Variants in OR4K13 observed in about 807,000 individuals in gnomAD.
OR4K13 encodes the protein olfactory receptor family 4 subfamily K member 13, also known as olfactory receptor 4K13.
For missense variants in OR4K13, 403 were observed against 366.0 expected (o/e 1.10, Z -0.82); for synonymous variants, 160 against 134.8 (o/e 1.19, Z -1.30).
Position 20,034,556 on chromosome 14 carries a change from C to T in OR4K13, c.203G>A (p.Cys68Tyr), listed in dbSNP as rs775918342. The T allele has an allele frequency of 1.2e-6, 2 of 1,613,686 alleles. No individual in the cohort carries two copies. Among genetic ancestry groups the T allele is most frequent in the Non-Finnish European group, 8.5e-7 (1 of 1,179,944 alleles). The change falls in exon 2 of 2, where the codon TGC becomes TAC. Residue 68 changes from cysteine (C) to tyrosine (Y), a missense_variant. By Grantham distance (194) the Cys-to-Tyr change is radical. Coordinates refer to ENST00000641904, the MANE Select transcript of OR4K13 (RefSeq NM_001004714.2). ...AAAAGAAGCCAGGATCATATCAATG[C>T]AGGAGAGGTTGCTAAGCAGAAAATA... ...PMYFLLSNLS[C>Y]IDMILASFAT...
In OR4K13 at chr14:20,033,736, G is replaced by A. The variant is rs1056431699; in HGVS notation, c.*108C>T. The A allele has an allele frequency of 1.8e-5, 11 of 626,770 alleles. No homozygotes were observed. The highest frequency in any genetic ancestry group is 6.8e-5 in the South Asian group (3 of 44,088). The allele number at this position is 626,770 out of a possible 1,614,324, so 38.8% of individuals were successfully genotyped here. A position where few individuals can be genotyped will look rare whatever the true frequency, so the allele number is the denominator to read the frequency against. ...GTCATTTACTTTAATGGCAAAAACCGCAATGACTTTTGCACGAACCTGATA... is the reference window on the plus strand; with the variant it reads ...GTCATTTACTTTAATGGCAAAAACCACAATGACTTTTGCACGAACCTGATA... On this transcript the variant is annotated 3_prime_UTR_variant, in exon 2 of 2. Coordinates refer to ENST00000641904, the MANE Select transcript of OR4K13 (RefSeq NM_001004714.2).
In OR4K13 at chr14:20,032,233, G is replaced by A. The variant is rs1325195218; in HGVS notation, c.*1611C>T. Reference sequence around the variant, plus strand: ...TAGATAAGAAACACTGTGTATGAATGTACCTGGTGGGAAAGGGAGACAAAG... The same window carrying A: ...TAGATAAGAAACACTGTGTATGAATATACCTGGTGGGAAAGGGAGACAAAG... On this transcript the variant is annotated 3_prime_UTR_variant, in exon 2 of 2. Transcript: ENST00000641904. 1 of 152,148 alleles carries A rather than the reference G, an allele frequency of 6.6e-6. No homozygotes were observed. The highest frequency in any genetic ancestry group is 1.5e-5 in the Non-Finnish European group (1 of 68,022). The allele number at this position is 152,148 out of a possible 1,614,324, so 9.4% of individuals were successfully genotyped here.
chr14:20,034,823 T>C lies in OR4K13; in HGVS notation c.-65A>G. The C allele has an allele frequency of 7.6e-7, 1 of 1,317,156 alleles. No individual in the cohort carries two copies. The highest frequency in any genetic ancestry group is 1.4e-5 in the South Asian group (1 of 70,828). The allele number at this position is 1,317,156 out of a possible 1,614,324, so 81.6% of individuals were successfully genotyped here. A position where few individuals can be genotyped will look rare whatever the true frequency, so the allele number is the denominator to read the frequency against. ...ATAAGGGGTAGGGAAATGATGCATATTGGAAAGAAATGTTCATGTTGATGT... is the reference window on the plus strand; with the variant it reads ...ATAAGGGGTAGGGAAATGATGCATACTGGAAAGAAATGTTCATGTTGATGT... On this transcript the variant is annotated 5_prime_UTR_variant, in exon 2 of 2. Transcript: ENST00000641904.
rs1354128424 is a variant in OR4K13, at chr14:20,035,990, G to A, written c.-276C>T. Reference sequence around the variant, plus strand: ...GGCGTCGTACGTGAATCCCAGGAATGGCCTTTTATCTCCTTTTCCTGTATC... The same window carrying A: ...GGCGTCGTACGTGAATCCCAGGAATAGCCTTTTATCTCCTTTTCCTGTATC... On this transcript the variant is annotated 5_prime_UTR_variant, in exon 1 of 2. Transcript: ENST00000641904. 7 of 152,008 alleles carry A rather than the reference G, an allele frequency of 4.6e-5. No individual in the cohort carries two copies. The highest frequency in any genetic ancestry group is 4.6e-4 in the Admixed American group (7 of 15,248). The allele number at this position is 152,008 out of a possible 1,614,324, so 9.4% of individuals were successfully genotyped here. A position where few individuals can be genotyped will look rare whatever the true frequency, so the allele number is the denominator to read the frequency against.
rs1173370330 is a variant in OR4K13, at chr14:20,033,085, T to A, written c.*759A>T. On this transcript the variant is annotated 3_prime_UTR_variant, in exon 2 of 2. Coordinates refer to ENST00000641904, the MANE Select transcript of OR4K13 (RefSeq NM_001004714.2). ...CTGCACTCTCAAAGCACCCTGTCCATCATGTAACAGTGCTGTTCGTGCCAT... is the reference window on the plus strand; with the variant it reads ...CTGCACTCTCAAAGCACCCTGTCCAACATGTAACAGTGCTGTTCGTGCCAT... 6.6e-6 allele frequency: 1 copy of A among 152,230 alleles called. No individual in the cohort carries two copies. Among genetic ancestry groups the A allele is most frequent in the East Asian group, 1.9e-4 (1 of 5,192 alleles). The allele number at this position is 152,230 out of a possible 1,614,324, so 9.4% of individuals were successfully genotyped here. A position where few individuals can be genotyped will look rare whatever the true frequency, so the allele number is the denominator to read the frequency against.
In OR4K13 at chr14:20,034,122, G is replaced by T. The variant is rs758820436; in HGVS notation, c.637C>A (p.Leu213Ile). Reference protein sequence around the residue: ...SGLLSLVCFLLLLVSYGVIIF... With the variant: ...SGLLSLVCFLILLVSYGVIIF... ...ATGACTCCATAGGAGACAAGCAAGA[G>T]GAGGAAGCAGACCAGTGACAGGAGC... Residue 213 changes from leucine (L) to isoleucine (I), a missense_variant, in exon 2 of 2, where the codon CTC becomes ATC. Leu to Ile is a conservative substitution (Grantham distance 5, BLOSUM62 2). Coordinates refer to ENST00000641904, the MANE Select transcript of OR4K13 (RefSeq NM_001004714.2). 10 of 1,614,060 alleles carry T rather than the reference G, an allele frequency of 6.2e-6. No homozygotes were observed. The highest frequency in any genetic ancestry group is 8.5e-6 in the Non-Finnish European group (10 of 1,180,010).
Position 20,031,112 on chromosome 14 carries a change from A to G in OR4K13, c.*2732T>C, listed in dbSNP as rs542172885. 3 of 152,276 alleles carry G rather than the reference A, an allele frequency of 2.0e-5. No individual in the cohort carries two copies. Among genetic ancestry groups the G allele is most frequent in the Non-Finnish European group, 4.4e-5 (3 of 68,068 alleles). 9.4% of individuals were successfully genotyped at this position (152,276 alleles called of 1,614,324 possible). A position where few individuals can be genotyped will look rare whatever the true frequency, so the allele number is the denominator to read the frequency against. On this transcript the variant is annotated 3_prime_UTR_variant, in exon 2 of 2. Transcript: ENST00000641904. The stretch of plus-strand genomic sequence containing the variant: ...GTTTGAGGTGTTAACAAATTTGCCC[A>G]TGGAAAACAGGTGCTACCCCTTAAC...
chr14:20,033,696 C>T lies in OR4K13; in HGVS notation c.*148G>A. 1.8e-6 allele frequency: 1 copy of T among 545,910 alleles called. No homozygotes were observed. The allele number at this position is 545,910 out of a possible 1,614,324, so 33.8% of individuals were successfully genotyped here. On this transcript the variant is annotated 3_prime_UTR_variant, in exon 2 of 2. Transcript: ENST00000641904. ...GTACACAAGTTATAGTGGTTTTTGC[C>T]ATTACTTTAATTTTGTCATTTACTT...
chr14:20,034,296 G>A lies in OR4K13; in HGVS notation c.463C>T (p.His155Tyr). Residue 155 changes from histidine (H) to tyrosine (Y), a missense_variant, in exon 2 of 2, where the codon CAC (histidine) becomes TAC (tyrosine). His to Tyr is a moderately conservative substitution (Grantham distance 83). Transcript: ENST00000641904. ...ATGAAAGCCATTTGACTAGATGAGT[G>A]CACAAATCCAACTGCATAGGAGGAT... ...LLSSYAVGFVHSSSQMAFMLT... is the reference protein window; with the variant it reads ...LLSSYAVGFVYSSSQMAFMLT... 1.2e-6 allele frequency: 2 copies of A among 1,614,132 alleles called. No homozygotes were observed. Among genetic ancestry groups the A allele is most frequent in the African/African-American group, 1.3e-5 (1 of 75,044 alleles).
In OR4K13 at chr14:20,034,672, CAAG is replaced by C; in HGVS notation, c.84_86del (p.Phe28del). 1.2e-6 allele frequency: 2 copies of C among 1,613,606 alleles called. No individual in the cohort carries two copies. Among genetic ancestry groups the C allele is most frequent in the Non-Finnish European group, 1.7e-6 (2 of 1,179,876 alleles). On this transcript the variant is annotated inframe_deletion, in exon 2 of 2. Transcript: ENST00000641904. ...TCCCCACGAAGACCACAGAGAATCC[CAAG>C]AAGAATAAAATCTGAAGATTTTGAG...
In OR4K13 at chr14:20,034,343, C is replaced by G. The variant is rs373021760; in HGVS notation, c.416G>C (p.Arg139Pro). ...GGATAACAGTAGCCCAGTGAGCACC[C>G]GTGGGCTCATGATGGTCATGTAATG... ...PLHYMTIMSPRVLTGLLLSSY... is the reference protein window; with the variant it reads ...PLHYMTIMSPPVLTGLLLSSY... The change falls in exon 2 of 2, where the codon CGG becomes CCG. Residue 139 changes from arginine to proline, a missense_variant. Physicochemically the swap from Arg to Pro is moderately radical, Grantham distance 103 (BLOSUM62 -2). Coordinates refer to ENST00000641904, the MANE Select transcript of OR4K13 (RefSeq NM_001004714.2). 1 of 1,613,982 alleles carries G rather than the reference C, an allele frequency of 6.2e-7. No individual in the cohort carries two copies. The highest frequency in any genetic ancestry group is 8.5e-7 in the Non-Finnish European group (1 of 1,179,964).
Position 20,031,037 on chromosome 14 carries a change from A to T in OR4K13, c.*2807T>A, listed in dbSNP as rs536425615. On this transcript the variant is annotated 3_prime_UTR_variant, in exon 2 of 2. Transcript: ENST00000641904. ...CTCCGTCTCAAATAAATAAATAAAT[A>T]AAATAAATTACACATTCCTCCAAGA... The T allele has an allele frequency of 3.3e-5, 5 of 152,324 alleles. No homozygotes were observed. Among genetic ancestry groups the T allele is most frequent in the African/African-American group, 1.2e-4 (5 of 41,552 alleles). 9.4% of individuals were successfully genotyped at this position (152,324 alleles called of 1,614,324 possible).
chr14:20,034,002 G>T lies in OR4K13; in HGVS notation c.757C>A (p.Pro253Thr). Residue 253 changes from proline (P) to threonine (T), a missense_variant, in exon 2 of 2, where the codon CCG becomes ACG. Coordinates refer to ENST00000641904, the MANE Select transcript of OR4K13 (RefSeq NM_001004714.2). Reference protein sequence around the residue: ...HITVVTLFFAPCVFIYVWPFS... With the variant: ...HITVVTLFFATCVFIYVWPFS... ...GGCCAGACGTAGATAAAGACACACG[G>T]AGCAAAGAACAGAGTCACAACTGTG... 6.2e-7 allele frequency: 1 copy of T among 1,614,082 alleles called. No homozygotes were observed. The highest frequency in any genetic ancestry group is 1.1e-5 in the South Asian group (1 of 91,076).
Position 20,034,555 on chromosome 14 carries a change from G to T in OR4K13, c.204C>A (p.Cys68Ter), listed in dbSNP as rs368560253. Residue 68 changes from cysteine (C) to a stop codon, truncating the protein, a stop_gained, in exon 2 of 2, where the codon TGC (cysteine) becomes TGA (stop). Coordinates refer to ENST00000641904, the MANE Select transcript of OR4K13 (RefSeq NM_001004714.2). LOFTEE classifies it low-confidence loss of function (END_TRUNC). ...CAAAAGAAGCCAGGATCATATCAAT[G>T]CAGGAGAGGTTGCTAAGCAGAAAAT... ...PMYFLLSNLS[C>*]IDMILASFAT... 2.5e-6 allele frequency: 4 copies of T among 1,613,846 alleles called. No homozygotes were observed. In the African/African-American group the frequency reaches 4.0e-5, roughly 16 times the overall value.
rs141965205 is a variant in OR4K13, at chr14:20,033,755, C to A, written c.*89G>T. 1,052 of 736,724 alleles carry A rather than the reference C, an allele frequency of 1.4e-3. 8 individuals carry two copies. In the East Asian group the frequency reaches 0.023, roughly 16 times the overall value. The allele number at this position is 736,724 out of a possible 1,614,324, so 45.6% of individuals were successfully genotyped here. A position where few individuals can be genotyped will look rare whatever the true frequency, so the allele number is the denominator to read the frequency against. On this transcript the variant is annotated 3_prime_UTR_variant, in exon 2 of 2. Transcript: ENST00000641904. ...AAAACCGCAATGACTTTTGCACGAACCTGATACATTAAAAACGAGTTTCTT... is the reference window on the plus strand; with the variant it reads ...AAAACCGCAATGACTTTTGCACGAAACTGATACATTAAAAACGAGTTTCTT...
At chr14:20,035,062 C>T (rs1055477365) in intron 1 of OR4K13, 81 bp from the exon 2 acceptor site, 1 of 265,598 alleles carries the variant, frequency 3.8e-6, no homozygotes, top group Non-Finnish European at 7.1e-6. Flanking sequence ...AAGACCTCTA[C>T]AGGACACCTG....
In OR4K13 at chr14:20,034,200, G is replaced by C. The variant is rs1877502579; in HGVS notation, c.559C>G (p.Leu187Val). The C allele has an allele frequency of 6.2e-7, 1 of 1,614,144 alleles. No individual in the cohort carries two copies. Among genetic ancestry groups the C allele is most frequent in the Non-Finnish European group, 8.5e-7 (1 of 1,180,018 alleles). ...AGGATGTAGGTGTCCTTGCAGGCAA[G>C]TTTAATCACAAGGGGAAGGTCACAG... ...FFCDLPLVIK[L>V]ACKDTYILQL... Residue 187 changes from leucine (L) to valine (V), a missense_variant, in exon 2 of 2, where the codon CTT becomes GTT. Transcript: ENST00000641904.
chr14:20,034,522 A>C lies in OR4K13; in HGVS notation c.237T>G (p.Pro79=), dbSNP rs78395085. Residue 79 remains proline (P), a synonymous_variant, in exon 2 of 2, where the codon CCT becomes CCG. Coordinates refer to ENST00000641904, the MANE Select transcript of OR4K13 (RefSeq NM_001004714.2). The part of the protein sequence containing the change: ...IDMILASFAT[P]KMIVDFLRER... ...CTCGGAGGAAATCTACAATCATCTTAGGGGTAGCAAAAGAAGCCAGGATCA... is the reference window on the plus strand; with the variant it reads ...CTCGGAGGAAATCTACAATCATCTTCGGGGTAGCAAAAGAAGCCAGGATCA... The C allele has an allele frequency of 1.2e-6, 2 of 1,614,018 alleles. No homozygotes were observed. Among genetic ancestry groups the C allele is most frequent in the South Asian group, 2.2e-5 (2 of 91,068 alleles).
Position 20,034,402 on chromosome 14 carries a change from T to C in OR4K13, c.357A>G (p.Ala119=). 1 of 1,614,042 alleles carries C rather than the reference T, an allele frequency of 6.2e-7. No individual in the cohort carries two copies. Among genetic ancestry groups the C allele is most frequent in the Non-Finnish European group, 8.5e-7 (1 of 1,180,000 alleles). ...TGCATATGGCAACATACCTGTCTAT[T>C]GCCATGGCTACAAGCAACATCATCT... ...GSEMMLLVAM[A]IDRYVAICKP... is the part of the protein sequence containing the mutation. Residue 119 remains alanine, a synonymous_variant, in exon 2 of 2, where the codon GCA becomes GCG. Coordinates refer to ENST00000641904, the MANE Select transcript of OR4K13 (RefSeq NM_001004714.2).
Sources: gnomAD v4.1 joint callset for allele counts on GRCh38, gnomAD v4.1.1 for gene constraint, MANE v1.5 for transcripts, NCBI Gene and HGNC (gene_info 2026-07-23, HGNC 2026-07-21) for gene names.